Variants in ABCB11 observed in about 807,000 individuals in gnomAD.
The protein encoded by ABCB11 is ATP binding cassette subfamily B member 11, also known as bile salt export pump.
In ABCB11, 95 loss-of-function variants were observed where a neutral mutation model predicts 148.0. The observed-to-expected ratio is 0.64, with a 90% CI of 0.54 to 0.76. ABCB11 has a LOEUF of 0.76. ABCB11 is among the 30% of genes least tolerant of loss of function. ABCB11 has a pLI of 0.00. For synonymous variants in ABCB11, 591 were observed against 555.4 expected, an observed-to-expected ratio of 1.06 and a Z score of -0.90; for missense variants, 1,523 against 1,617.8, an observed-to-expected ratio of 0.94 and a Z score of 1.01.
chr2:168,993,952 G>A (rs1480478174), intron 7 of ABCB11, 70 bp from the exon 8 acceptor site: 7 of 1,312,260 alleles, frequency 5.3e-6, no homozygotes, highest in Non-Finnish European at 6.4e-6. Context: ...GAAAGTCTCA[G>A]TCTTTCCCTT....
intron 5 of ABCB11, among the ~76,000 whole-genome samples, chr2:169,000,057 C>T (rs886362625): frequency 5.3e-5 from 8 of 151,982 alleles, no homozygotes; most frequent in African/African-American, 1.7e-4. Flanking sequence ...ATTTAATTTG[C>T]ATTTCTCTAT....
Position 168,969,454 on chromosome 2 carries a change from T to A in ABCB11, c.1907A>T (p.Glu636Val), listed in dbSNP as rs199671371. 1 of 1,612,608 alleles carries A rather than the reference T, an allele frequency of 6.2e-7. No homozygotes were observed. The highest frequency in any genetic ancestry group is 1.7e-5 in the Admixed American group (1 of 59,824). ...CAGTAATTCTTCATGGGTCCCTCTT[T>A]CCACTGCAGTGCCATGTTCAAAACC... ...IIGFEHGTAV[E>V]RGTHEELLER... The change falls in exon 16 of 28, where the codon GAA becomes GTA. Residue 636 changes from glutamate to valine, a missense_variant. Coordinates refer to ENST00000650372, the MANE Select transcript of ABCB11 (RefSeq NM_003742.4).
chr2:168,924,788 C>T lies in ABCB11; in HGVS notation c.3634G>A (p.Val1212Ile), dbSNP rs546906441. 2.7e-5 allele frequency: 43 copies of T among 1,609,574 alleles called. No homozygotes were observed. The highest frequency in any genetic ancestry group is 2.4e-4 in the African/African-American group (18 of 74,698). The change falls in exon 27 of 28, where the codon GTT (valine) becomes ATT (isoleucine). Residue 1212 changes from valine to isoleucine, a missense_variant. Transcript: ENST00000650372. Reference sequence around the variant, plus strand: ...GAGAGTTGAGACCCCTGGGACCCAACGTTAGTTTCATATTTCTGAAAAAAA... The same window carrying T: ...GAGAGTTGAGACCCCTGGGACCCAATGTTAGTTTCATATTTCTGAAAAAAA... ...MSLPEKYETNVGSQGSQLSRG... is the reference protein window; with the variant it reads ...MSLPEKYETNIGSQGSQLSRG...
chr2:169,009,448 A>C (rs1695115499), intron 5 of ABCB11, among the ~76,000 whole-genome samples: 1 of 151,922 alleles, frequency 6.6e-6, no homozygotes, highest in Non-Finnish European at 1.5e-5. Flanking sequence ...TGAAACTGGA[A>C]ACCATCATTC....
Position 168,970,182 on chromosome 2 carries a change from G to A in ABCB11, c.1672C>T (p.Gln558Ter). 6.2e-7 allele frequency: 1 copy of A among 1,612,436 alleles called. No individual in the cohort carries two copies. Among genetic ancestry groups the A allele is most frequent in the Admixed American group, 1.7e-5 (1 of 59,830 alleles). ...CTTTGTTTCTGGCCACCACTCATCTGGCCTCCTCCTTCTCCAACAAGGGTG... is the reference window on the plus strand; with the variant it reads ...CTTTGTTTCTGGCCACCACTCATCTAGCCTCCTCCTTCTCCAACAAGGGTG... ...FDTLVGEGGG[Q>*]MSGGQKQRVA... The change falls in exon 15 of 28, where the codon CAG becomes TAG. Residue 558 changes from glutamine (Q) to a stop codon, truncating the protein, a stop_gained. Transcript: ENST00000650372. LOFTEE classifies it high-confidence loss of function.
chr2:168,936,116 G>T, intron 22 of ABCB11, 114 bp downstream of exon 22: 1 of 1,027,656 alleles, frequency 9.7e-7, no homozygotes, highest in Non-Finnish European at 1.4e-6. Context: ...TCTTAAGTGT[G>T]CCTGTCTTGT....
intron 23 of ABCB11, among the ~76,000 whole-genome samples, chr2:168,934,060 G>A (rs1016206174): frequency 6.6e-6 from 1 of 151,550 alleles, no homozygotes; most frequent in Admixed American, 6.6e-5. Flanking sequence ...TGTAGCCCCA[G>A]ATTTTTACAT....
chr2:168,958,953 G>C (rs1692927700), intron 18 of ABCB11, among the ~76,000 whole-genome samples: 1 of 151,546 alleles, frequency 6.6e-6, no homozygotes, highest in South Asian at 2.1e-4. Context: ...GATTTGTATT[G>C]ATTTTTAAAA....
chr2:169,028,393 G>A (rs1017503726), intron 1 of ABCB11, among the ~76,000 whole-genome samples: 7 of 152,108 alleles, frequency 4.6e-5, no homozygotes, highest in African/African-American at 1.7e-4. Flanking sequence ...TAGAGAGCTG[G>A]AGAAGGCTCT....
chr2:169,014,389 C>G, intron 3 of ABCB11, 35 bp from the exon 4 acceptor site: 1 of 1,582,928 alleles, frequency 6.3e-7, no homozygotes, highest in East Asian at 2.2e-5. Context: ...AAAGACCACC[C>G]TTTCCAATAC....
At chr2:168,931,441 A>G (rs1691562548) in intron 24 of ABCB11, among the ~76,000 whole-genome samples, 1 of 152,244 alleles carries the variant, frequency 6.6e-6, no homozygotes, top group Admixed American at 6.5e-5. Flanking sequence ...AATTTAGCTT[A>G]GCTTTACTAG....
intron 23 of ABCB11, among the ~76,000 whole-genome samples, chr2:168,934,170 T>A (rs1357791248): frequency 6.6e-6 from 1 of 152,170 alleles, no homozygotes; most frequent in Non-Finnish European, 1.5e-5. Flanking sequence ...AAGCCAATGG[T>A]TTGTGTTTTC....
chr2:168,988,764 T>C (rs1187558750), intron 9 of ABCB11, among the ~76,000 whole-genome samples: 2 of 152,154 alleles, frequency 1.3e-5, no homozygotes, highest in African/African-American at 4.8e-5. Flanking sequence ...CCCCATATGC[T>C]TGCCAACACT....
At chr2:168,941,744 T>C (rs1182348402) in intron 21 of ABCB11, among the ~76,000 whole-genome samples, 1 of 152,042 alleles carries the variant, frequency 6.6e-6, no homozygotes, top group South Asian at 2.1e-4. Context: ...AGTCAATTGA[T>C]GAGGCAAACT....
chr2:168,983,507 C>T (rs972595914), intron 10 of ABCB11, among the ~76,000 whole-genome samples: 8 of 152,264 alleles, frequency 5.3e-5, no homozygotes, highest in Admixed American at 6.5e-5. Flanking sequence ...TTACAAAACA[C>T]ATTAACCTGT....
intron 19 of ABCB11, among the ~76,000 whole-genome samples, chr2:168,953,829 C>T (rs1692670884): frequency 6.6e-6 from 1 of 151,680 alleles, no homozygotes; most frequent in South Asian, 2.1e-4. Flanking sequence ...TGATTGCCTC[C>T]TTTGGAGAGG....
chr2:169,003,368 A>G (rs1271619578), intron 5 of ABCB11, among the ~76,000 whole-genome samples: 1 of 148,166 alleles, frequency 6.7e-6, no homozygotes, highest in Non-Finnish European at 1.5e-5. Flanking sequence ...ATATATGCAC[A>G]CACACAAAAA....
chr2:168,968,525 T>C (rs1693418192), intron 16 of ABCB11, 35 bp from the exon 17 acceptor site: 2 of 1,554,810 alleles, frequency 1.3e-6, no homozygotes, highest in Non-Finnish European at 1.8e-6. Context: ...TTTTAGTATA[T>C]ACAATAAACA....
At chr2:169,019,612 G>A (rs527729860) in intron 1 of ABCB11, among the ~76,000 whole-genome samples, 5 of 152,252 alleles carry the variant, frequency 3.3e-5, no homozygotes, top group Admixed American at 1.3e-4. Context: ...ATCTGAGATT[G>A]GTTGAAAACA....
Sources: gnomAD v4.1 joint callset for allele counts (sites outside exome capture counted in the v4.1 genomes callset) on GRCh38, gnomAD v4.1.1 for gene constraint, MANE v1.5 for transcripts, NCBI Gene and HGNC (gene_info 2026-07-23, HGNC 2026-07-21) for gene names.